RIMS2: variants seen among roughly 807,000 people sequenced by gnomAD.
RIMS2 encodes regulating synaptic membrane exocytosis 2, also known as regulating synaptic membrane exocytosis protein 2.
A neutral mutation model predicts 174.4 loss-of-function variants in RIMS2; 59 were observed. The observed-to-expected ratio is 0.34, with a 90% confidence interval of 0.27 to 0.42. The LOEUF is 0.42. RIMS2 is among the 10% of genes least tolerant of loss of function. The pLI, the probability that RIMS2 is intolerant of heterozygous loss-of-function variation, is 1.00. For synonymous variants in RIMS2, 606 were observed against 572.5 expected (o/e 1.06, Z -0.84); for missense variants, 1,620 against 1,666.3 (o/e 0.97, Z 0.48).
At chr8:103,772,250 T>A (rs1160851374) in intron 3 of RIMS2, among the ~76,000 whole-genome samples, 1 of 151,938 alleles carries the variant, frequency 6.6e-6, no homozygotes, top group Non-Finnish European at 1.5e-5. Context: ...AACATGATTA[T>A]TTATATAGAA....
chr8:104,118,362 GTTTTTTTGT>G (rs1352899853), intron 19 of RIMS2, among the ~76,000 whole-genome samples: 440 of 108,552 alleles, frequency 4.1e-3, no homozygotes, highest in African/African-American at 0.017. Context: ...TTGTTTTTTT[GTTTTTTTGT>G]TTTTTTTTTT....
chr8:103,814,283 T>C (rs993194394), intron 3 of RIMS2, among the ~76,000 whole-genome samples: 1 of 151,424 alleles, frequency 6.6e-6, no homozygotes, highest in Non-Finnish European at 1.5e-5. Flanking sequence ...GGTACAGGAG[T>C]AATAACTAAT....
chr8:104,248,705 AT>A lies in RIMS2; in HGVS notation c.3485del (p.Phe1162SerfsTer24). The A allele has an allele frequency of 6.3e-7, 1 of 1,586,356 alleles. No homozygotes were observed. The highest frequency in any genetic ancestry group is 8.7e-7 in the Non-Finnish European group (1 of 1,154,836). ...CATATGTTATTTTGCTTTCAGTCTG[AT>A]TTTCCCTGGTGTTCGCTTGGCCTCT... On this transcript the variant is annotated frameshift_variant, in exon 21 of 24. Transcript: ENST00000504942. LOFTEE classifies it high-confidence loss of function.
At chr8:104,042,078 A>T (rs1270155928) in intron 19 of RIMS2, among the ~76,000 whole-genome samples, 7 of 151,200 alleles carry the variant, frequency 4.6e-5, no homozygotes, top group Non-Finnish European at 8.9e-5. Context: ...TATATATTTT[A>T]TATATATATA....
At position 103,961,121 on chromosome 8, in the gene RIMS2, G is replaced by A. The variant is rs559957523; in HGVS notation, c.2758G>A (p.Gly920Ser). The change falls in exon 15 of 24, where the codon GGT (glycine) becomes AGT (serine). Residue 920 changes from glycine (G) to serine (S), a missense_variant. Transcript: ENST00000504942. ...TGACTATGACTGTGATGATGGAATT[G>A]GTGTAGTATCAGGTAAGAATTTTAG... 18 of 1,447,556 alleles carry A rather than the reference G, an allele frequency of 1.2e-5. No individual in the cohort carries two copies. In the East Asian group the frequency reaches 3.6e-4, roughly 29 times the overall value. 89.7% of individuals were successfully genotyped at this position (1,447,556 alleles called of 1,614,324 possible). A position where few individuals can be genotyped will look rare whatever the true frequency, so the allele number is the denominator to read the frequency against.
chr8:103,503,858 G>A (rs1446679933), intron 1 of RIMS2, among the ~76,000 whole-genome samples: 1 of 151,974 alleles, frequency 6.6e-6, no homozygotes, highest in Non-Finnish European at 1.5e-5. Flanking sequence ...TTTTTAATAA[G>A]AGAACTGAGT....
chr8:104,089,127 T>A (rs2097586281), intron 19 of RIMS2, among the ~76,000 whole-genome samples: 1 of 151,954 alleles, frequency 6.6e-6, no homozygotes, highest in South Asian at 2.1e-4. Flanking sequence ...TAAGATCGTA[T>A]TATCCTTCTT....
Position 104,178,584 on chromosome 8 carries a change from A to G in RIMS2, c.3335-66332A>G, listed in dbSNP as rs1343632494. Among the ~76,000 whole-genome samples, 3 of 152,178 alleles carry G rather than the reference A, an allele frequency of 2.0e-5. No individual in the cohort carries two copies. In the East Asian group the frequency reaches 5.8e-4, roughly 29 times the overall value. The stretch of plus-strand genomic sequence containing the variant: ...CACCATTACCTAGTCTAGTGTTTGA[A>G]TAGCCACAGGATGGAATCTTGGGGG... On this transcript the variant is annotated intron_variant, in intron 19 of 23. Coordinates refer to ENST00000504942, the Ensembl canonical transcript of RIMS2.
At chr8:103,941,892 T>C (rs1220631042) in intron 13 of RIMS2, among the ~76,000 whole-genome samples, 1 of 152,208 alleles carries the variant, frequency 6.6e-6, no homozygotes, top group African/African-American at 2.4e-5. Context: ...CTTTTGCTTA[T>C]GAAAATTAAA....
intron 1 of RIMS2, among the ~76,000 whole-genome samples, chr8:103,519,233 A>T (rs1016732634): frequency 6.6e-6 from 1 of 152,138 alleles, no homozygotes; most frequent in African/African-American, 2.4e-5. Flanking sequence ...GAACCAAATC[A>T]GTGTTGCTTT....
intron 22 of RIMS2, 126 bp downstream of exon 28, chr8:104,249,714 T>G (rs117756133): frequency 1.6e-6 from 1 of 613,736 alleles, no homozygotes; most frequent in Middle Eastern, 2.8e-4. Context: ...CCATTATGAC[T>G]GGTCTGGTGC....
At chr8:103,789,188 A>T (rs1179911313) in intron 3 of RIMS2, among the ~76,000 whole-genome samples, 1 of 151,886 alleles carries the variant, frequency 6.6e-6, no homozygotes. Flanking sequence ...CCCTAGTGAG[A>T]TGAACCCGGT....
chr8:103,641,933 C>T (rs775596708), intron 1 of RIMS2, among the ~76,000 whole-genome samples: 2 of 152,072 alleles, frequency 1.3e-5, no homozygotes, highest in Non-Finnish European at 2.9e-5. Context: ...AATTACCCAG[C>T]CTAATGTATT....
At chr8:103,555,837 C>T (rs1850202646) in intron 1 of RIMS2, among the ~76,000 whole-genome samples, 1 of 150,762 alleles carries the variant, frequency 6.6e-6, no homozygotes, top group Non-Finnish European at 1.5e-5. Context: ...TATAAATGCA[C>T]AGTGGAATAC....
At chr8:103,719,924 A>T (rs2097425057) in intron 2 of RIMS2, among the ~76,000 whole-genome samples, 1 of 152,186 alleles carries the variant, frequency 6.6e-6, no homozygotes, top group Non-Finnish European at 1.5e-5. Flanking sequence ...TGGGTATTAA[A>T]TTATTCCTTT....
rs563572831 is a variant in RIMS2, at chr8:103,830,006, TTTTA to T, written c.699-55287_699-55284del. The stretch of plus-strand genomic sequence containing the variant: ...TTATGTTTTTCAGTAAATTTAATAT[TTTTA>T]TTTAAGTTGACTAATTTGTTGTTAT... On this transcript the variant is annotated intron_variant, in intron 3 of 23. Coordinates refer to ENST00000504942, the Ensembl canonical transcript of RIMS2. Among the ~76,000 whole-genome samples, 11 of 152,312 alleles carry T rather than the reference TTTTA, an allele frequency of 7.2e-5. No individual in the cohort carries two copies. In the South Asian group the frequency reaches 2.3e-3, roughly 32 times the overall value.
At chr8:103,585,533 C>T (rs1563889458) in intron 1 of RIMS2, among the ~76,000 whole-genome samples, 1 of 152,002 alleles carries the variant, frequency 6.6e-6, no homozygotes, top group Non-Finnish European at 1.5e-5. Flanking sequence ...ACATATATAC[C>T]ATAGAATACT....
chr8:103,984,560 T>C (rs150850874), intron 16 of RIMS2, among the ~76,000 whole-genome samples: 1 of 152,308 alleles, frequency 6.6e-6, no homozygotes, highest in East Asian at 1.9e-4. Context: ...CAAATGCTGG[T>C]AAATATGTGG....
chr8:103,762,123 T>G (rs1438248209), intron 2 of RIMS2, among the ~76,000 whole-genome samples: 1 of 151,978 alleles, frequency 6.6e-6, no homozygotes, highest in East Asian at 1.9e-4. Flanking sequence ...TTTTTTTCCC[T>G]TCCTTTCCTA....
Sources: gnomAD v4.1 joint callset for allele counts (sites outside exome capture counted in the v4.1 genomes callset) on GRCh38, gnomAD v4.1.1 for gene constraint, MANE v1.5 for transcripts, NCBI Gene and HGNC (gene_info 2026-07-23, HGNC 2026-07-21) for gene names.